The following TRAK1 variants were observed in gnomAD, a reference collection of about 807,000 sequenced individuals.
TRAK1 encodes trafficking kinesin protein 1.
TRAK1 carries 33 observed loss-of-function variants against 92.1 expected under a neutral mutation model. The observed-to-expected ratio is 0.36, with a 90% CI of 0.27 to 0.48. The LOEUF is 0.48. Ranked by LOEUF, TRAK1 falls within the 20% of genes least tolerant of loss-of-function variation. The pLI is 0.99. For missense variants in TRAK1, 1,123 were observed against 1,257.9 expected, an observed-to-expected ratio of 0.89 and a Z score of 1.62; for synonymous variants, 521 against 517.3, an observed-to-expected ratio of 1.01 and a Z score of -0.10.
chr3:42,151,518 C>A (rs1277856377), intron 2 of TRAK1: 1 of 318,598 alleles, frequency 3.1e-6, no homozygotes, highest in Non-Finnish European at 6.1e-6. Context: ...ATCATCTATC[C>A]CATTTTGGAT....
At chr3:42,114,681 A>G (rs1417820846) in intron 1 of TRAK1, among the ~76,000 whole-genome samples, 3 of 152,060 alleles carry the variant, frequency 2.0e-5, no homozygotes, top group Non-Finnish European at 2.9e-5. Flanking sequence ...TCCCTTGGTT[A>G]TTTGATAATT....
At chr3:42,027,517 C>T (rs921062431) in intron 1 of TRAK1, among the ~76,000 whole-genome samples, 9 of 149,262 alleles carry the variant, frequency 6.0e-5, no homozygotes, top group Non-Finnish European at 1.3e-4. Flanking sequence ...AGCAAGACTC[C>T]ATCTGAAAAA....
At chr3:42,188,170 C>G (rs1487586184) in intron 5 of TRAK1, 25 bp downstream of exon 5, 2 of 1,611,006 alleles carry the variant, frequency 1.2e-6, no homozygotes, top group South Asian at 1.1e-5. Flanking sequence ...GGCTGTATTT[C>G]TGGAGGCCAG....
At chr3:42,106,803 T>G (rs1707629492) in intron 1 of TRAK1, among the ~76,000 whole-genome samples, 1 of 152,208 alleles carries the variant, frequency 6.6e-6, no homozygotes, top group African/African-American at 2.4e-5. Flanking sequence ...TGGATGAGTT[T>G]GAAATCTTTT....
At chr3:42,189,225 G>T in intron 6 of TRAK1, 101 bp downstream of exon 6, 1 of 863,002 alleles carries the variant, frequency 1.2e-6, no homozygotes, top group Non-Finnish European at 1.9e-6. Context: ...CTCAAAGCTG[G>T]CAGTCTGTGA....
Position 42,223,035 on chromosome 3 carries a change from G to A in TRAK1, c.2160G>A (p.Leu720=), listed in dbSNP as rs1710514107. ...ATPCTPRRLS[L]AESFTNTRES... ...CATGCACTCCACGGAGACTGAGCCT[G>A]GCTGAGTCCTTCACTAACACCCGTG... Residue 720 remains leucine (L), a synonymous_variant, in exon 16 of 16, where the codon CTG becomes CTA. Transcript: ENST00000327628. This position sits in a 1 kb window ranked among gnomAD's most constrained non-coding sequence, Gnocchi z 6.1. The A allele has an allele frequency of 2.5e-6, 4 of 1,614,090 alleles. No individual in the cohort carries two copies. The highest frequency in any genetic ancestry group is 3.4e-6 in the Non-Finnish European group (4 of 1,180,018).
intron 1 of TRAK1, among the ~76,000 whole-genome samples, chr3:42,027,871 T>C (rs1327450697): frequency 2.0e-5 from 3 of 152,138 alleles, no homozygotes; most frequent in Non-Finnish European, 4.4e-5. Flanking sequence ...TTTTTTGAGA[T>C]GGAGTTTCGC....
chr3:42,156,602 A>C (rs1700566269), intron 2 of TRAK1, among the ~76,000 whole-genome samples: 1 of 152,184 alleles, frequency 6.6e-6, no homozygotes, highest in Non-Finnish European at 1.5e-5. Flanking sequence ...AGGGAAGAAA[A>C]AGTTATTACA....
chr3:42,218,072 C>T (rs915306442), intron 14 of TRAK1: 37 of 985,184 alleles, frequency 3.8e-5, no homozygotes, highest in South Asian at 2.8e-4. Context: ...CACACAGACC[C>T]GAGTCAGACC....
At position 42,063,858 on chromosome 3, in the gene TRAK1, C is replaced by T. The variant is rs1419802054; in HGVS notation, c.-518-23246C>T. Among the ~76,000 whole-genome samples, 3 of 152,102 alleles carry T rather than the reference C, an allele frequency of 2.0e-5. No homozygotes were observed. The East Asian group carries it at 5.8e-4, about 29-fold the overall frequency. On this transcript the variant is annotated intron_variant, in intron 1 of 16. Coordinates refer to the TRAK1 transcript ENST00000487159. ...CCTTTCCCCTTGAATCTGCGTTGGC[C>T]CGGTGATGTATTTTGACCAATAGTT... is the stretch of plus-strand genomic sequence containing the variant.
At chr3:42,151,552 A>G (rs917548130) in intron 2 of TRAK1, 3 of 299,148 alleles carry the variant, frequency 1.0e-5, no homozygotes, top group Non-Finnish European at 1.9e-5. Context: ...TTTTTGAGAC[A>G]GAATTTACTG....
rs202240600 is a variant in TRAK1 at position 42,188,538 on chromosome 3, CATGAACTCCAG to C, written c.581+395_581+405del. The stretch of plus-strand genomic sequence containing the variant: ...AGTCAGCAGATCCTCATGTTGGGAG[CATGAACTCCAG>C]AGCCCAGTGGGCTGGTTGCAGATCT... On this transcript the variant is annotated intron_variant, in intron 5 of 15. Coordinates refer to ENST00000327628, the MANE Select transcript of TRAK1 (RefSeq NM_001042646.3). 1.1e-3 allele frequency among the ~76,000 whole-genome samples: 169 copies of C among 152,308 alleles called. 4 individuals are homozygous for C. In the East Asian group the frequency reaches 0.024, roughly 21 times the overall value.
At chr3:42,034,681 T>C (rs530621384) in intron 1 of TRAK1, among the ~76,000 whole-genome samples, 3 of 152,338 alleles carry the variant, frequency 2.0e-5, no homozygotes, top group African/African-American at 4.8e-5. Context: ...TACCTCATGC[T>C]TGCCCTTGGC....
intron 15 of TRAK1, among the ~76,000 whole-genome samples, chr3:42,222,484 C>T (rs1229626296): frequency 1.3e-5 from 2 of 152,178 alleles, no homozygotes; most frequent in Admixed American, 6.5e-5. Flanking sequence ...TCCTGGTTCA[C>T]GTCTTGCTTC....
intron 3 of TRAK1, among the ~76,000 whole-genome samples, chr3:42,178,453 T>C (rs1576817076): frequency 6.6e-6 from 1 of 152,118 alleles, no homozygotes; most frequent in East Asian, 1.9e-4. Context: ...CTGCGTTGGT[T>C]CTTTCCTGCT....
rs33959095 is a variant in TRAK1, at chr3:42,180,677, C to CAA, written c.363+3804_363+3805dup. ...CTAGGCGATAGAGTGAGACCTGTCT[C>CAA]AAAAAAAAAAAAAAAAAAGAAAAAG... is the stretch of plus-strand genomic sequence containing the variant. On this transcript the variant is annotated intron_variant, in intron 3 of 15. Transcript: ENST00000327628. 6.6e-3 allele frequency among the ~76,000 whole-genome samples: 570 copies of CAA among 86,848 alleles called. 9 individuals carry two copies. The highest frequency in any genetic ancestry group is 0.022 in the East Asian group (72 of 3,200). The allele number at this position is 86,848 out of a possible 152,430, so 57.0% of individuals were successfully genotyped here.
At chr3:42,059,622 C>T (rs1473593709) in intron 1 of TRAK1, among the ~76,000 whole-genome samples, 2 of 152,104 alleles carry the variant, frequency 1.3e-5, no homozygotes, top group Non-Finnish European at 2.9e-5. Context: ...AGTTTTCCTT[C>T]ATATTTGTGT....
rs764490967 is a variant in TRAK1, at chr3:42,176,861, A to G, written c.334A>G (p.Ile112Val). The G allele has an allele frequency of 5.6e-6, 9 of 1,614,162 alleles. No individual in the cohort carries two copies. Among genetic ancestry groups the G allele is most frequent in the Admixed American group, 1.7e-5 (1 of 60,026 alleles). The change falls in exon 3 of 16, where the codon ATA (isoleucine) becomes GTA (valine). Residue 112 changes from isoleucine (I) to valine (V), a missense_variant. Transcript: ENST00000327628. ...VGQMTKTYND[I>V]DAVTRLLEEK... ...CCAGATGACTAAGACATATAATGAC[A>G]TAGATGCTGTCACTCGGCTTCTTGA...
chr3:42,222,853 C>G lies in TRAK1; in HGVS notation c.2067-89C>G, dbSNP rs919983551. On this transcript the variant is annotated intron_variant, in intron 15 of 15. Transcript: ENST00000327628. ...CCCTCTCATCGTGTCCTGGGTCGTC[C>G]CTACCCCCCCTGCAGGAAACTGGCC... 3.9e-5 allele frequency: 57 copies of G among 1,456,064 alleles called. No individual in the cohort carries two copies. The East Asian group carries it at 1.2e-3, about 31-fold the overall frequency. The allele number at this position is 1,456,064 out of a possible 1,614,324, so 90.2% of individuals were successfully genotyped here. A position where few individuals can be genotyped will look rare whatever the true frequency, so the allele number is the denominator to read the frequency against.
Sources: allele counts gnomAD v4.1 joint callset (sites outside exome capture counted in the v4.1 genomes callset), GRCh38; gene constraint gnomAD v4.1.1; non-coding constraint Gnocchi (gnomAD v3.1); transcripts MANE v1.5; gene names NCBI Gene and HGNC (gene_info 2026-07-23, HGNC 2026-07-21).